The following IMMP2L variants were observed in gnomAD, a reference collection of about 807,000 sequenced individuals.
IMMP2L encodes the protein inner mitochondrial membrane peptidase subunit 2.
IMMP2L carries 18 observed loss-of-function variants against 19.3 expected under a neutral mutation model. The ratio of observed to expected loss-of-function variants is 0.93; its 90% confidence interval spans 0.64 to 1.38. The LOEUF is 1.38. Among genes scored for constraint, IMMP2L ranks in the 40% most tolerant of loss-of-function variants. The pLI is 0.00. For missense variants in IMMP2L, 233 were observed against 218.2 expected (o/e 1.07, Z -0.43); for synonymous variants, 76 against 73.0 (o/e 1.04, Z -0.21).
chr7:111,411,090 TAAAAAAAA>T (rs536367628), intron 3 of IMMP2L, among the ~76,000 whole-genome samples: 1 of 78,876 alleles, frequency 1.3e-5, no homozygotes, highest in African/African-American at 4.4e-5. Context: ...ATCAAATTGC[TAAAAAAAA>T]AAAAAAAAAG....
chr7:111,521,928 T>C (rs867236254), intron 1 of IMMP2L, among the ~76,000 whole-genome samples: 1 of 152,130 alleles, frequency 6.6e-6, no homozygotes, highest in African/African-American at 2.4e-5. Context: ...AAGGATATAA[T>C]TCTTGGTTGC....
chr7:111,484,928 C>T (rs922432868), intron 3 of IMMP2L, among the ~76,000 whole-genome samples: 3 of 152,012 alleles, frequency 2.0e-5, no homozygotes, highest in African/African-American at 7.2e-5. Context: ...CTAAGAACTA[C>T]AGGCACGCAT....
chr7:111,031,773 C>T (rs1439167672), intron 3 of IMMP2L, among the ~76,000 whole-genome samples: 1 of 152,072 alleles, frequency 6.6e-6, no homozygotes, highest in East Asian at 1.9e-4. Flanking sequence ...AATAACTTTA[C>T]AGTGCAGAAA....
At chr7:111,005,327 T>C (rs1228647827) in intron 3 of IMMP2L, among the ~76,000 whole-genome samples, 1 of 152,154 alleles carries the variant, frequency 6.6e-6, no homozygotes, top group Admixed American at 6.6e-5. Context: ...ATATACAGTG[T>C]TTGTTATTAG....
chr7:111,140,454 G>T (rs889424218), intron 3 of IMMP2L, among the ~76,000 whole-genome samples: 2 of 152,246 alleles, frequency 1.3e-5, no homozygotes, highest in African/African-American at 4.8e-5. Flanking sequence ...AATCTACAGG[G>T]TTCTGAAACC....
chr7:110,894,596 A>G (rs1360748415), intron 4 of IMMP2L, among the ~76,000 whole-genome samples: 1 of 152,208 alleles, frequency 6.6e-6, no homozygotes, highest in East Asian at 1.9e-4. Flanking sequence ...AATTCTTTAT[A>G]TAATCTGGAT....
At chr7:111,504,011 G>C (rs1449421399) in intron 2 of IMMP2L, among the ~76,000 whole-genome samples, 1 of 152,022 alleles carries the variant, frequency 6.6e-6, no homozygotes, top group African/African-American at 2.4e-5. Flanking sequence ...TATTCAATTA[G>C]GAAAAGAGGA....
At chr7:110,962,622 A>G (rs1232245922) in intron 4 of IMMP2L, 2 of 462,638 alleles carry the variant, frequency 4.3e-6, no homozygotes, top group Non-Finnish European at 5.3e-6. Flanking sequence ...TTATTAGGAA[A>G]GTAGTTTTAA....
Position 111,503,636 on chromosome 7 carries a change from T to C in IMMP2L, c.136-16295A>G, listed in dbSNP as rs1462969174. Among the ~76,000 whole-genome samples, 21 of 152,260 alleles carry C rather than the reference T, an allele frequency of 1.4e-4. No homozygotes were observed. The South Asian group carries it at 2.9e-3, about 21-fold the overall frequency. On this transcript the variant is annotated intron_variant, in intron 2 of 5. Coordinates refer to ENST00000405709, the MANE Select transcript of IMMP2L (RefSeq NM_032549.4). Reference sequence around the variant, plus strand: ...GCTTTTCCACCATGATCAAGTGGGCTTCATCCCTGGGATGAAAGGCTAGTT... The same window carrying C: ...GCTTTTCCACCATGATCAAGTGGGCCTCATCCCTGGGATGAAAGGCTAGTT...
chr7:110,967,189 T>C (rs1280445701), intron 3 of IMMP2L, among the ~76,000 whole-genome samples: 1 of 152,094 alleles, frequency 6.6e-6, no homozygotes, highest in Non-Finnish European at 1.5e-5. Context: ...GTAACCAGAA[T>C]GGTTGCAGGC....
In IMMP2L at chr7:110,910,307, T is replaced by C. The variant is rs138308012; in HGVS notation, c.306-23612A>G. ...AGAAGTTTCATTTTTCCTCTCTTGA[T>C]AGCTGAGATGAACTAGAAATCTGCA... On this transcript the variant is annotated intron_variant, in intron 4 of 5. Coordinates refer to ENST00000405709, the MANE Select transcript of IMMP2L (RefSeq NM_032549.4). Among the ~76,000 whole-genome samples, 39 of 152,296 alleles carry C rather than the reference T, an allele frequency of 2.6e-4. No homozygotes were observed. In the East Asian group the frequency reaches 6.6e-3, roughly 26 times the overall value.
At chr7:110,982,733 T>C (rs1821430020) in intron 3 of IMMP2L, among the ~76,000 whole-genome samples, 1 of 152,166 alleles carries the variant, frequency 6.6e-6, no homozygotes, top group Non-Finnish European at 1.5e-5. Context: ...CTTAAGGTTT[T>C]CTTGATTATC....
At chr7:111,118,715 G>C (rs1800199504) in intron 3 of IMMP2L, among the ~76,000 whole-genome samples, 1 of 151,954 alleles carries the variant, frequency 6.6e-6, no homozygotes, top group South Asian at 2.1e-4. Context: ...ATACTAAATA[G>C]CATATTAATG....
intron 3 of IMMP2L, among the ~76,000 whole-genome samples, chr7:111,394,186 T>C (rs866794499): frequency 1.3e-5 from 2 of 152,114 alleles, no homozygotes; most frequent in African/African-American, 4.8e-5. Context: ...TACTTTATCA[T>C]AAATACATAA....
intron 3 of IMMP2L, among the ~76,000 whole-genome samples, chr7:111,243,293 T>C (rs1051467031): frequency 6.6e-6 from 1 of 152,028 alleles, no homozygotes; most frequent in African/African-American, 2.4e-5. Flanking sequence ...TAATTCTCTA[T>C]CTAAAACTCT....
chr7:110,812,048 GA>G (rs1347075176), intron 5 of IMMP2L, among the ~76,000 whole-genome samples: 1 of 151,800 alleles, frequency 6.6e-6, no homozygotes, highest in Non-Finnish European at 1.5e-5. Flanking sequence ...TTATTTCTCT[GA>G]CACATATATT....
At chr7:111,482,351 C>T (rs1405275351) in intron 3 of IMMP2L, among the ~76,000 whole-genome samples, 1 of 152,166 alleles carries the variant, frequency 6.6e-6, no homozygotes, top group South Asian at 2.1e-4. Context: ...TGCTTACTTA[C>T]AGGCATGCTC....
chr7:111,111,856 C>T (rs146323326), intron 3 of IMMP2L, among the ~76,000 whole-genome samples: 1,870 of 149,302 alleles, frequency 0.013, 17 homozygotes, highest in Middle Eastern at 0.025. Flanking sequence ...AGAAAAAATA[C>T]ATGCCTTTAA....
chr7:110,857,154 T>C (rs1305831478), intron 5 of IMMP2L, among the ~76,000 whole-genome samples: 1 of 152,122 alleles, frequency 6.6e-6, no homozygotes, highest in South Asian at 2.1e-4. Context: ...CACAAAACTA[T>C]GTCTGATTTG....
Sources: allele counts gnomAD v4.1 joint callset (sites outside exome capture counted in the v4.1 genomes callset), GRCh38; gene constraint gnomAD v4.1.1; transcripts MANE v1.5; gene names NCBI Gene and HGNC (gene_info 2026-07-23, HGNC 2026-07-21).